The following DGAT1 variants were observed in gnomAD, a reference collection of about 807,000 sequenced individuals.
DGAT1 encodes ACAT related gene product 1.
Under a neutral mutation model 72.6 loss-of-function variants are expected in DGAT1, and 60 were observed. That is an observed-to-expected ratio of 0.83 (90% confidence interval 0.67 to 1.02). DGAT1 has a LOEUF of 1.02. Ranked by LOEUF, DGAT1 falls within the 50% of genes least tolerant of loss-of-function variation. The probability of loss-of-function intolerance (pLI) is 0.00; values close to 1 mark genes in which losing one functional copy is unlikely to be tolerated. For missense variants in DGAT1, 592 were observed against 670.0 expected, an observed-to-expected ratio of 0.88 and a Z score of 1.29; for synonymous variants, 290 against 267.5, an observed-to-expected ratio of 1.08 and a Z score of -0.82.
chr8:144,323,685 T>C (rs1181883260), intron 1 of DGAT1, among the ~76,000 whole-genome samples: 1 of 152,132 alleles, frequency 6.6e-6, no homozygotes, highest in Non-Finnish European at 1.5e-5. Context: ...CCCTCCCTCC[T>C]GCAGCCCCCA....
intron 2 of DGAT1, among the ~76,000 whole-genome samples, chr8:144,320,580 CT>C (rs1554848002): frequency 1.3e-5 from 2 of 152,162 alleles, no homozygotes; most frequent in African/African-American, 4.8e-5. Context: ...GTTGGGGAGG[CT>C]GGGCCCAGAT....
At position 144,319,081 on chromosome 8, in the gene DGAT1, G is replaced by A. The variant is rs1287882307; in HGVS notation, c.289-13C>T. On this transcript the variant is annotated splice_polypyrimidine_tract_variant and intron_variant, in intron 2 of 16. Coordinates refer to ENST00000528718, the MANE Select transcript of DGAT1 (RefSeq NM_012079.6). ...CATTGCTCAAGATCTGCGAGGGATG[G>A]ACAGGAGGGTGCAGCCCCTTTAGTC... 6.4e-7 allele frequency: 1 copy of A among 1,552,768 alleles called. No homozygotes were observed. The highest frequency in any genetic ancestry group is 8.7e-7 in the Non-Finnish European group (1 of 1,147,854).
At chr8:144,318,973 G>T in intron 3 of DGAT1, 53 bp from the exon 4 acceptor site, 1 of 1,559,796 alleles carries the variant, frequency 6.4e-7, no homozygotes, top group Non-Finnish European at 8.7e-7. Context: ...GCTGTGGGGC[G>T]GGGCCTGGAC....
chr8:144,319,042 C>T lies in DGAT1; in HGVS notation c.315G>A (p.Leu105=), dbSNP rs1554847804. 1.3e-6 allele frequency: 2 copies of T among 1,557,764 alleles called. No homozygotes were observed. Among genetic ancestry groups the T allele is most frequent in the Admixed American group, 1.9e-5 (1 of 51,900 alleles). The stretch of plus-strand genomic sequence containing the variant: ...AAGGCACTCACTTGATGAGGTTCTC[C>T]AGAAATAACCGGGCATTGCTCAAGA... ...MLILSNARLF[L]ENLIKYGILV... Residue 105 remains leucine, a synonymous_variant, in exon 3 of 17, where the codon CTG becomes CTA. Coordinates refer to ENST00000528718, the MANE Select transcript of DGAT1 (RefSeq NM_012079.6).
chr8:144,318,170 C>G lies in DGAT1; in HGVS notation c.677-1G>C. 1 of 1,603,334 alleles carries G rather than the reference C, an allele frequency of 6.2e-7. No homozygotes were observed. ...CTGCTGGCCTTCTTCCCTGCAGAGG[C>G]TACGAGCACAGCAGAGTGGGAGGGG... On this transcript the variant is annotated splice_acceptor_variant, in intron 7 of 16. Coordinates refer to ENST00000528718, the MANE Select transcript of DGAT1 (RefSeq NM_012079.6). LOFTEE classifies it high-confidence loss of function.
intron 1 of DGAT1, among the ~76,000 whole-genome samples, chr8:144,326,077 G>A (rs1817586514): frequency 6.6e-6 from 1 of 152,074 alleles, no homozygotes; most frequent in Non-Finnish European, 1.5e-5. Flanking sequence ...ACCACAAACT[G>A]CCCAGATCTT....
At position 144,318,185 on chromosome 8, in the gene DGAT1, A is replaced by G. The variant is rs782271919; in HGVS notation, c.677-16T>C. 3.1e-6 allele frequency: 5 copies of G among 1,608,696 alleles called. No homozygotes were observed. The African/African-American group carries it at 5.3e-5, about 17-fold the overall frequency. The stretch of plus-strand genomic sequence containing the variant: ...CCTGCAGAGGCTACGAGCACAGCAG[A>G]GTGGGAGGGGGCTGGTGGGGCCCTG... On this transcript the variant is annotated splice_polypyrimidine_tract_variant and intron_variant, in intron 7 of 16. Coordinates refer to ENST00000528718, the MANE Select transcript of DGAT1 (RefSeq NM_012079.6).
At position 144,317,102 on chromosome 8, in the gene DGAT1, A is replaced by G. The variant is rs782087919; in HGVS notation, c.1168T>C (p.Tyr390His). The G allele has an allele frequency of 6.8e-6, 11 of 1,612,952 alleles. No homozygotes were observed. The highest frequency in any genetic ancestry group is 1.3e-5 in the African/African-American group (1 of 74,890). ...CTGCCCCGTCGAAGCATGGGCTTGT[A>G]GAAGTGTCTGCAGAGGAGGGGGCAT... ...PVHKWCIRHF[Y>H]KPMLRRGSSK... The change falls in exon 15 of 17, where the codon TAC (tyrosine) becomes CAC (histidine). Residue 390 changes from tyrosine to histidine, a missense_variant. Transcript: ENST00000528718.
intron 2 of DGAT1, among the ~76,000 whole-genome samples, chr8:144,320,174 G>A (rs1308706694): frequency 1.3e-5 from 2 of 152,362 alleles, no homozygotes; most frequent in African/African-American, 4.8e-5. Flanking sequence ...AGCCCAGAGC[G>A]GGATACATGC....
In DGAT1 at chr8:144,319,050, ACCGG is replaced by A. The variant is rs1554847805; in HGVS notation, c.303_306del (p.Arg102TyrfsTer23). ...CACTTGATGAGGTTCTCCAGAAATA[ACCGG>A]GCATTGCTCAAGATCTGCGAGGGAT... On this transcript the variant is annotated frameshift_variant, in exon 3 of 17. Transcript: ENST00000528718. LOFTEE classifies it high-confidence loss of function. 6.4e-7 allele frequency: 1 copy of A among 1,556,706 alleles called. No individual in the cohort carries two copies. The highest frequency in any genetic ancestry group is 8.7e-7 in the Non-Finnish European group (1 of 1,150,190).
chr8:144,321,260 C>T, intron 2 of DGAT1, 61 bp downstream of exon 2: 1 of 1,535,040 alleles, frequency 6.5e-7, no homozygotes, highest in Non-Finnish European at 9.0e-7. Context: ...CAGGCAAAGG[C>T]CAGCCTGGGA....
chr8:144,315,883 A>G lies in DGAT1; in HGVS notation c.*671T>C. ...ATTGTGTACCGTAGCCCCTCGGCTC[A>G]CCAGACCCACACCAGAAAGGCCCTG... On this transcript the variant is annotated 3_prime_UTR_variant, in exon 17 of 17. Transcript: ENST00000528718. 5 of 985,700 alleles carry G rather than the reference A, an allele frequency of 5.1e-6. No homozygotes were observed. The highest frequency in any genetic ancestry group is 6.0e-6 in the Non-Finnish European group (5 of 830,140). 61.1% of individuals were successfully genotyped at this position (985,700 alleles called of 1,614,324 possible). A position where few individuals can be genotyped will look rare whatever the true frequency, so the allele number is the denominator to read the frequency against.
At position 144,314,592 on chromosome 8, in the gene DGAT1, A is replaced by T. The variant is rs1270131527; in HGVS notation, c.*1962T>A. On this transcript the variant is annotated 3_prime_UTR_variant, in exon 17 of 17. Transcript: ENST00000528718. ...TGGACTGACCCTGCAGGTTGTTCAT[A>T]GTCAGAATTGTATTTTGGATTTTTA... 7 of 541,550 alleles carry T rather than the reference A, an allele frequency of 1.3e-5. No individual in the cohort carries two copies. The highest frequency in any genetic ancestry group is 2.3e-5 in the Non-Finnish European group (7 of 301,700). 33.5% of individuals were successfully genotyped at this position (541,550 alleles called of 1,614,324 possible).
rs1465604998 is a variant in DGAT1 at position 144,315,633 on chromosome 8, G to A, written c.*921C>T. 6.1e-6 allele frequency: 6 copies of A among 984,810 alleles called. No homozygotes were observed. The East Asian group carries it at 3.4e-4, about 56-fold the overall frequency. The allele number at this position is 984,810 out of a possible 1,614,324, so 61.0% of individuals were successfully genotyped here. A position where few individuals can be genotyped will look rare whatever the true frequency, so the allele number is the denominator to read the frequency against. ...ATCTATCCAGCTTGGTGGATTGCAG[G>A]GCCTGGGAACAAGGTGTCCTGAAGG... On this transcript the variant is annotated 3_prime_UTR_variant, in exon 17 of 17. Transcript: ENST00000528718.
rs782809347 is a variant in DGAT1, at chr8:144,317,456, G to A, written c.982-11C>T. 12 of 1,613,806 alleles carry A rather than the reference G, an allele frequency of 7.4e-6. No individual in the cohort carries two copies. The South Asian group carries it at 1.3e-4, about 18-fold the overall frequency. Reference sequence around the variant, plus strand: ...GAGGTGATTGGGGACCTGGCAGGGAGGTGGGGGTGGGCACCAAGTTCTAGA... The same window carrying A: ...GAGGTGATTGGGGACCTGGCAGGGAAGTGGGGGTGGGCACCAAGTTCTAGA... On this transcript the variant is annotated splice_polypyrimidine_tract_variant and intron_variant, in intron 12 of 16. Transcript: ENST00000528718.
Position 144,315,014 on chromosome 8 carries a change from C to T in DGAT1, c.*1540G>A. 2.0e-6 allele frequency: 2 copies of T among 985,648 alleles called. No individual in the cohort carries two copies. 61.1% of individuals were successfully genotyped at this position (985,648 alleles called of 1,614,324 possible). A position where few individuals can be genotyped will look rare whatever the true frequency, so the allele number is the denominator to read the frequency against. The stretch of plus-strand genomic sequence containing the variant: ...ACTCGGACAGGTGATGCGGGGCGGG[C>T]ACACTGTCTTTCTGCCAGAGCCAGC... On this transcript the variant is annotated 3_prime_UTR_variant, in exon 17 of 17. Transcript: ENST00000528718.
chr8:144,326,566 G>A lies in DGAT1; in HGVS notation c.71C>T (p.Pro24Leu). Residue 24 changes from proline to leucine, a missense_variant, in exon 1 of 17, where the codon CCT becomes CTT. Physicochemically the swap from Pro to Leu is moderately conservative, Grantham distance 98. Transcript: ENST00000528718. ...CCGCACCTCCTCTTCCGCCGCCGCA[G>A]GCCCGCCGCCGCCGTGGCTCGAGGG... ...SRPSSHGGGGPAAAEEEVRDA... is the reference protein window; with the variant it reads ...SRPSSHGGGGLAAAEEEVRDA... 2.4e-6 allele frequency: 3 copies of A among 1,253,512 alleles called. No individual in the cohort carries two copies. The highest frequency in any genetic ancestry group is 3.0e-6 in the Non-Finnish European group (3 of 1,000,174). 77.6% of individuals were successfully genotyped at this position (1,253,512 alleles called of 1,614,324 possible).
rs1817224042 is a variant in DGAT1 at position 144,316,441 on chromosome 8, GA to G, written c.*112del. On this transcript the variant is annotated 3_prime_UTR_variant, in exon 17 of 17. Transcript: ENST00000528718. ...GGGCAGAGAGGCCTCCCTGGGACCA[GA>G]GGAGGATGCTGTGCAGCCAGGCCCA... 4 of 1,319,840 alleles carry G rather than the reference GA, an allele frequency of 3.0e-6. No individual in the cohort carries two copies. Among genetic ancestry groups the G allele is most frequent in the Non-Finnish European group, 1.0e-6 (1 of 978,966 alleles). The allele number at this position is 1,319,840 out of a possible 1,614,324, so 81.8% of individuals were successfully genotyped here.
Position 144,315,934 on chromosome 8 carries a change from T to C in DGAT1, c.*620A>G. ...TGGACTGCCCATCCCTGGGCCATCC[T>C]GGCTGGAGCCCACTTCCCGCAAACC... On this transcript the variant is annotated 3_prime_UTR_variant, in exon 17 of 17. Coordinates refer to ENST00000528718, the MANE Select transcript of DGAT1 (RefSeq NM_012079.6). 1.0e-6 allele frequency: 1 copy of C among 986,608 alleles called. No homozygotes were observed. Among genetic ancestry groups the C allele is most frequent in the Non-Finnish European group, 1.2e-6 (1 of 830,846 alleles). The allele number at this position is 986,608 out of a possible 1,614,324, so 61.1% of individuals were successfully genotyped here.
Sources: gnomAD v4.1 joint callset for allele counts (sites outside exome capture counted in the v4.1 genomes callset) on GRCh38, gnomAD v4.1.1 for gene constraint, MANE v1.5 for transcripts, NCBI Gene and HGNC (gene_info 2026-07-23, HGNC 2026-07-21) for gene names.